OTOG: variants seen among roughly 807,000 people sequenced by gnomAD.
OTOG encodes the protein otogelin.
Under a neutral mutation model 313.8 loss-of-function variants are expected in OTOG, and 296 were observed. That is an observed-to-expected ratio of 0.94 (90% confidence interval 0.86 to 1.04). OTOG has a LOEUF of 1.04. Ranked by LOEUF, OTOG falls within the 50% of genes least tolerant of loss-of-function variation. OTOG has a pLI of 0.00. For synonymous variants in OTOG, 1,533 were observed against 1,554.9 expected, an observed-to-expected ratio of 0.99 and a Z score of 0.33; for missense variants, 3,948 against 3,840.1, an observed-to-expected ratio of 1.03 and a Z score of -0.74.
intron 32 of OTOG, among the ~76,000 whole-genome samples, chr11:17,605,529 A>T (rs780538435): frequency 6.6e-6 from 1 of 152,168 alleles, no homozygotes; most frequent in East Asian, 1.9e-4. Context: ...TGCCTGGTAC[A>T]TTGAGGGCAC....
At chr11:17,549,411 T>C (rs1455235508) in intron 3 of OTOG, among the ~76,000 whole-genome samples, 3 of 152,216 alleles carry the variant, frequency 2.0e-5, no homozygotes, top group African/African-American at 7.2e-5. Flanking sequence ...GGTGTGGGCG[T>C]GCTTCTTCTC....
chr11:17,599,756 G>T, intron 31 of OTOG, 59 bp downstream of exon 31: 2 of 1,525,932 alleles, frequency 1.3e-6, no homozygotes, highest in South Asian at 2.4e-5. Context: ...GCCCTGTCCT[G>T]ACGCCACACA....
intron 6 of OTOG, among the ~76,000 whole-genome samples, 179 bp downstream of exon 6, chr11:17,553,698 C>T (rs1851996088): frequency 6.6e-6 from 1 of 152,242 alleles, no homozygotes; most frequent in South Asian, 2.1e-4. Flanking sequence ...AGCTCTCGCT[C>T]ACCCACTCAC....
rs143440439 is a variant in OTOG, at chr11:17,621,732, A to G, written c.6529-7401A>G. Among the ~76,000 whole-genome samples, 1,245 of 152,196 alleles carry G rather than the reference A, an allele frequency of 8.2e-3. 8 individuals are homozygous for G. The highest frequency in any genetic ancestry group is 0.013 in the Non-Finnish European group (875 of 68,008). ...TCCTGCTCCCTGCACTGCAGCCCCT[A>G]AACTCTCTAAGTAATAACCTTGGAC... On this transcript the variant is annotated intron_variant, in intron 39 of 55. Coordinates refer to ENST00000399397, the MANE Select transcript of OTOG (RefSeq NM_001292063.2).
intron 31 of OTOG, 25 bp downstream of exon 31, chr11:17,599,722 G>C: frequency 6.5e-7 from 1 of 1,549,874 alleles, no homozygotes; most frequent in African/African-American, 1.4e-5. Flanking sequence ...CCCACGCAGA[G>C]TCTCAGGGGC....
At chr11:17,600,914 C>A (rs867260062) in intron 31 of OTOG, among the ~76,000 whole-genome samples, 6 of 152,216 alleles carry the variant, frequency 3.9e-5, no homozygotes, top group Non-Finnish European at 8.8e-5. Context: ...CTGGTCCGGG[C>A]CCGCCAGGTG....
rs1313809061 is a variant in OTOG, at chr11:17,635,730, C to T, written c.7795+19C>T. On this transcript the variant is annotated intron_variant, in intron 47 of 55. Transcript: ENST00000399397. Reference sequence around the variant, plus strand: ...CAGTGTGGTGAGTCCTGGCTGGGCACATGGCGGGCTGCGGCAGGAAGGGGC... The same window carrying T: ...CAGTGTGGTGAGTCCTGGCTGGGCATATGGCGGGCTGCGGCAGGAAGGGGC... 1 of 1,541,850 alleles carries T rather than the reference C, an allele frequency of 6.5e-7. No individual in the cohort carries two copies. Among genetic ancestry groups the T allele is most frequent in the Non-Finnish European group, 8.8e-7 (1 of 1,139,090 alleles).
chr11:17,559,886 G>A (rs960726846), intron 12 of OTOG, among the ~76,000 whole-genome samples: 2 of 105,302 alleles, frequency 1.9e-5, no homozygotes, highest in Non-Finnish European at 3.6e-5. Context: ...GGAAGGAAGG[G>A]AGAGAGGGAG....
At chr11:17,549,220 C>T (rs1470763917) in intron 3 of OTOG, among the ~76,000 whole-genome samples, 1 of 152,310 alleles carries the variant, frequency 6.6e-6, no homozygotes, top group Middle Eastern at 3.4e-3. Flanking sequence ...CACCCACCTG[C>T]AGCTAGGTCC....
At chr11:17,600,998 A>G (rs2134072994) in intron 31 of OTOG, among the ~76,000 whole-genome samples, 1 of 152,296 alleles carries the variant, frequency 6.6e-6, no homozygotes, top group South Asian at 2.1e-4. Context: ...TCTAGCACCT[A>G]TTGTGTTTCT....
chr11:17,547,604 G>A (rs955865998), intron 1 of OTOG, 138 bp downstream of exon 1: 17 of 1,266,174 alleles, frequency 1.3e-5, no homozygotes, highest in South Asian at 3.1e-5. Context: ...CCCAGGAGGA[G>A]CAGTCAGGGG....
At chr11:17,572,788 G>A (rs940499873) in intron 18 of OTOG, among the ~76,000 whole-genome samples, 2 of 152,074 alleles carry the variant, frequency 1.3e-5, no homozygotes, top group Non-Finnish European at 2.9e-5. Context: ...GCTTTCTCTC[G>A]CTTCTTACCT....
At position 17,557,220 on chromosome 11, in the gene OTOG, C is replaced by A. The variant is rs906353995; in HGVS notation, c.762C>A (p.Ala254=). 1.3e-6 allele frequency: 2 copies of A among 1,550,614 alleles called. No individual in the cohort carries two copies. The highest frequency in any genetic ancestry group is 2.7e-5 in the African/African-American group (2 of 73,164). Residue 254 remains alanine (A), a synonymous_variant, in exon 8 of 56, where the codon GCC becomes GCA. Transcript: ENST00000399397. Reference sequence around the variant, plus strand: ...CCTTCACACTGGCCTGGGATGGTGCCTCGGCTGTCTACATCAAGATGAGTC... The same window carrying A: ...CCTTCACACTGGCCTGGGATGGTGCATCGGCTGTCTACATCAAGATGAGTC... ...QSAFTLAWDG[A]SAVYIKMSPE... is the part of the protein sequence containing the mutation.
intron 40 of OTOG, 36 bp from the exon 41 acceptor site, chr11:17,631,666 T>C: frequency 6.7e-7 from 1 of 1,499,984 alleles, no homozygotes; most frequent in Non-Finnish European, 9.1e-7. Flanking sequence ...GTGGTAGTGA[T>C]GATCGTGGCT....
chr11:17,612,880 T>C (rs1039238842), intron 38 of OTOG, 115 bp downstream of exon 38: 1 of 1,268,404 alleles, frequency 7.9e-7, no homozygotes, highest in Non-Finnish European at 1.1e-6. Flanking sequence ...GAAGCCCCCC[T>C]GAGCTCCCTC....
intron 39 of OTOG, among the ~76,000 whole-genome samples, chr11:17,617,368 A>ATATGTAGAC (rs1481980229): frequency 1.3e-4 from 20 of 152,346 alleles, no homozygotes; most frequent in African/African-American, 4.8e-4. Context: ...CTGGAAAATT[A>ATATGTAGAC]TATGTAGACT....
Position 17,634,074 on chromosome 11 carries a change from A to C in OTOG, c.7273A>C (p.Thr2425Pro). Reference protein sequence around the residue: ...LCIPEAKCACTDSMGVPRALG... With the variant: ...LCIPEAKCACPDSMGVPRALG... Reference sequence around the variant, plus strand: ...CCTGCCATTCCCCTCTGCAGCCTGCACTGACAGCATGGGGGTGCCGAGGGC... The same window carrying C: ...CCTGCCATTCCCCTCTGCAGCCTGCCCTGACAGCATGGGGGTGCCGAGGGC... The change falls in exon 44 of 56, where the codon ACT (threonine) becomes CCT (proline). Residue 2425 changes from threonine (T) to proline (P), a missense_variant. Physicochemically the swap from Thr to Pro is conservative, Grantham distance 38. Coordinates refer to ENST00000399397, the MANE Select transcript of OTOG (RefSeq NM_001292063.2). 3 of 1,545,084 alleles carry C rather than the reference A, an allele frequency of 1.9e-6. No homozygotes were observed. Among genetic ancestry groups the C allele is most frequent in the Non-Finnish European group, 2.6e-6 (3 of 1,146,778 alleles).
Position 17,574,875 on chromosome 11 carries a change from A to G in OTOG, c.2449A>G (p.Thr817Ala). 6.5e-7 allele frequency: 1 copy of G among 1,537,298 alleles called. No individual in the cohort carries two copies. Residue 817 changes from threonine (T) to alanine (A), a missense_variant, in exon 20 of 56, where the codon ACC becomes GCC. By Grantham distance (58) the Thr-to-Ala change is moderately conservative. Transcript: ENST00000399397. ...GGAGGGCTGTGCCTGCCCACCGGAC[A>G]CCTATCTGGACACCCAGGCTGACCT... ...CVEGCACPPD[T>A]YLDTQADLCV...
In OTOG at chr11:17,631,609, T is replaced by G. The variant is rs1590055322; in HGVS notation, c.6713-93T>G. 1.0e-5 allele frequency: 11 copies of G among 1,072,536 alleles called. No individual in the cohort carries two copies. In the East Asian group the frequency reaches 2.9e-4, roughly 28 times the overall value. 66.4% of individuals were successfully genotyped at this position (1,072,536 alleles called of 1,614,324 possible). A position where few individuals can be genotyped will look rare whatever the true frequency, so the allele number is the denominator to read the frequency against. On this transcript the variant is annotated intron_variant, in intron 40 of 55. Coordinates refer to ENST00000399397, the MANE Select transcript of OTOG (RefSeq NM_001292063.2). ...AATGGGGATAATGGTATTATTGACC[T>G]CAAAGAACTGTGAGGAATACAAAAA...
Sources: allele counts gnomAD v4.1 joint callset (sites outside exome capture counted in the v4.1 genomes callset), GRCh38; gene constraint gnomAD v4.1.1; transcripts MANE v1.5; gene names NCBI Gene and HGNC (gene_info 2026-07-23, HGNC 2026-07-21).